The following RLIG1 variants were observed in gnomAD, a reference collection of about 807,000 sequenced individuals.
RLIG1 encodes the protein RNA ligase 1.
the RLIG1 span, chr12:88,036,179 G>C: frequency 4.6e-6 from 4 of 876,286 alleles, no homozygotes; most frequent in African/African-American, 7.0e-5. Context: ...TGGCGGTGTT[G>C]ACAGTAGCCT....
the RLIG1 span, chr12:88,047,035 G>A: frequency 7.0e-7 from 1 of 1,418,506 alleles, no homozygotes; most frequent in Non-Finnish European, 9.4e-7. Flanking sequence ...CAATAGAGTA[G>A]AAGTGACACT....
chr12:88,035,967 C>T, the RLIG1 span: 5 of 1,522,586 alleles, frequency 3.3e-6, no homozygotes, highest in Non-Finnish European at 4.4e-6. Context: ...AAGAATTTTC[C>T]TTATCAGGAG....
At chr12:88,035,768 GCCCGCGTGGGCTCCT>G in the RLIG1 span, 2 of 1,564,068 alleles carry the variant, frequency 1.3e-6, no homozygotes, top group Non-Finnish European at 1.7e-6. Flanking sequence ...AGGCTTGGCG[GCCCGCGTGGGCTCCT>G]CCCCGCGGCG....
chr12:88,047,913 CTAGT>C, the RLIG1 span, among the ~76,000 whole-genome samples: 1 of 152,100 alleles, frequency 6.6e-6, no homozygotes, highest in Non-Finnish European at 1.5e-5. Flanking sequence ...TTTCAGGTAG[CTAGT>C]CTGTACTCAG....
chr12:88,048,300 A>G, the RLIG1 span: 1 of 1,603,000 alleles, frequency 6.2e-7, no homozygotes, highest in South Asian at 1.1e-5. Context: ...AAGACCAGTT[A>G]TTATCAACAT....
chr12:88,046,686 C>G, the RLIG1 span: 1 of 923,326 alleles, frequency 1.1e-6, no homozygotes, highest in Non-Finnish European at 1.6e-6. Flanking sequence ...TTTAAGGAAA[C>G]CAACCAGCCT....
At chr12:88,036,111 G>C in the RLIG1 span, 1 of 1,322,496 alleles carries the variant, frequency 7.6e-7, no homozygotes, top group African/African-American at 1.5e-5. Context: ...CTTTTCAAGA[G>C]TGCAGTAAGA....
chr12:88,035,788 G>A, the RLIG1 span: 8 of 1,554,974 alleles, frequency 5.1e-6, no homozygotes, highest in Admixed American at 9.7e-5. Context: ...GCTCCTCCCC[G>A]CGGCGCTGGC....
the RLIG1 span, chr12:88,049,464 T>C: frequency 1.0e-6 from 1 of 964,070 alleles, no homozygotes; most frequent in African/African-American, 1.7e-5. Flanking sequence ...TATACATATT[T>C]TACGTTTGAA....
chr12:88,049,297 C>T, the RLIG1 span: 3 of 1,603,546 alleles, frequency 1.9e-6, no homozygotes, highest in East Asian at 2.2e-5. Context: ...TTTACCTTCT[C>T]TTCTAAGAGA....
the RLIG1 span, chr12:88,048,606 A>ATCTC: frequency 1.4e-5 from 6 of 423,048 alleles, no homozygotes; most frequent in Non-Finnish European, 2.4e-5. Flanking sequence ...ATTAATTTTA[A>ATCTC]TCTCTAGCCA....
chr12:88,039,617 C>T, the RLIG1 span, among the ~76,000 whole-genome samples: 108 of 152,214 alleles, frequency 7.1e-4, no homozygotes, highest in Non-Finnish European at 1.3e-3. Context: ...AAGGTTGCCT[C>T]CTCAAAGTTT....
chr12:88,047,627 C>A, the RLIG1 span, among the ~76,000 whole-genome samples: 1 of 152,040 alleles, frequency 6.6e-6, no homozygotes, highest in African/African-American at 2.4e-5. Flanking sequence ...TATCATATCA[C>A]CCTCCAAAAA....
chr12:88,048,135 T>A, the RLIG1 span: 1 of 824,962 alleles, frequency 1.2e-6, no homozygotes, highest in Non-Finnish European at 1.7e-6. Context: ...TAAAGTGGAG[T>A]CTTACCCAGT....
chr12:88,049,337 A>T, the RLIG1 span: 9 of 1,583,484 alleles, frequency 5.7e-6, no homozygotes, highest in South Asian at 1.0e-4. Context: ...CCTTGTAATT[A>T]TACTTAAGAT....
At chr12:88,042,978 G>C in the RLIG1 span, 3 of 1,081,206 alleles carry the variant, frequency 2.8e-6, no homozygotes, top group Non-Finnish European at 3.9e-6. Context: ...CATATTTATT[G>C]CTGTGGTATT....
chr12:88,042,660 C>CATA, the RLIG1 span: 1 of 418,616 alleles, frequency 2.4e-6, no homozygotes, highest in East Asian at 3.7e-5. Flanking sequence ...TAAGTCTTCT[C>CATA]ATAGCATCAG....
At chr12:88,048,999 A>C in the RLIG1 span, 1 of 402,418 alleles carries the variant, frequency 2.5e-6, no homozygotes, top group Non-Finnish European at 4.4e-6. Flanking sequence ...CAAGTCTTCA[A>C]GTATATACTT....
chr12:88,043,790 T>C, the RLIG1 span: 3 of 1,056,578 alleles, frequency 2.8e-6, no homozygotes, highest in Non-Finnish European at 4.2e-6. Context: ...AATCAGAAAT[T>C]ACAGAATTTT....
Sources: allele counts gnomAD v4.1 joint callset (sites outside exome capture counted in the v4.1 genomes callset), GRCh38; gene constraint gnomAD v4.1.1; transcripts MANE v1.5; gene names NCBI Gene and HGNC (gene_info 2026-07-23, HGNC 2026-07-21).